VWA8: variants seen among roughly 807,000 people sequenced by gnomAD.
VWA8 encodes von Willebrand factor A domain containing 8, also known as von Willebrand factor A domain-containing protein 8.
VWA8 carries 221 observed loss-of-function variants against 241.5 expected under a neutral mutation model. The observed-to-expected ratio is 0.91, with a 90% confidence interval of 0.82 to 1.02. The LOEUF (loss-of-function observed/expected upper bound fraction) is 1.02. VWA8 is among the 50% of genes least tolerant of loss of function. The pLI is 0.00. For missense variants in VWA8, 2,322 were observed against 2,328.7 expected (o/e 1.00, Z 0.06); for synonymous variants, 852 against 827.1 (o/e 1.03, Z -0.52).
chr13:41,750,927 T>C (rs1262718850), intron 21 of VWA8, among the ~76,000 whole-genome samples: 1 of 151,754 alleles, frequency 6.6e-6, no homozygotes, highest in Non-Finnish European at 1.5e-5. Context: ...GTACAGTGGT[T>C]AGAACACAGG....
At chr13:41,584,670 T>TA (rs1362628169) in intron 42 of VWA8, among the ~76,000 whole-genome samples, 3 of 152,222 alleles carry the variant, frequency 2.0e-5, no homozygotes, top group African/African-American at 7.2e-5. Flanking sequence ...TTTAATGGCA[T>TA]AAAAAATGTC....
intron 21 of VWA8, among the ~76,000 whole-genome samples, chr13:41,748,559 C>G (rs2045628425): frequency 6.6e-6 from 1 of 152,050 alleles, no homozygotes; most frequent in Admixed American, 6.6e-5. Context: ...GCTCCTAGAT[C>G]CACTGATTTT....
chr13:41,951,095 T>C (rs761739095), intron 1 of VWA8, among the ~76,000 whole-genome samples: 2 of 152,068 alleles, frequency 1.3e-5, no homozygotes, highest in Non-Finnish European at 2.9e-5. Flanking sequence ...TCTAGGTGCA[T>C]AAAAGGAATA....
At chr13:41,621,683 C>G (rs1395737329) in intron 37 of VWA8, among the ~76,000 whole-genome samples, 1 of 152,166 alleles carries the variant, frequency 6.6e-6, no homozygotes, top group East Asian at 1.9e-4. Flanking sequence ...TGTAAGAGAA[C>G]AGTCTTTTAA....
rs200081794 is a variant in VWA8 at position 41,590,694 on chromosome 13, A to G, written c.5058T>C (p.Asp1686=). Residue 1686 remains aspartate, a synonymous_variant, in exon 41 of 45, where the codon GAT becomes GAC. Transcript: ENST00000379310. ...AGATGGCTTTTTCTCCAGTCAGCCC[A>G]TCAATGATCTTGGCATCATCTAATT... The part of the protein sequence containing the change: ...TGELDDAKII[D]GLTGEKAIYK... The G allele has an allele frequency of 1.1e-5, 17 of 1,614,020 alleles. No homozygotes were observed. The East Asian group carries it at 3.6e-4, about 34-fold the overall frequency.
chr13:41,911,146 T>C (rs1875977255), intron 3 of VWA8, among the ~76,000 whole-genome samples: 1 of 150,974 alleles, frequency 6.6e-6, no homozygotes, highest in Admixed American at 6.6e-5. Flanking sequence ...TCACTGCAAC[T>C]TCCACCTCCC....
At chr13:41,628,813 T>A (rs889178095) in intron 37 of VWA8, among the ~76,000 whole-genome samples, 1 of 151,906 alleles carries the variant, frequency 6.6e-6, no homozygotes, top group Non-Finnish European at 1.5e-5. Flanking sequence ...GAGGCCAAGG[T>A]GGGCAGATCA....
chr13:41,823,871 G>T (rs75756201), intron 14 of VWA8, among the ~76,000 whole-genome samples: 4 of 152,124 alleles, frequency 2.6e-5, no homozygotes, highest in Admixed American at 2.6e-4. Flanking sequence ...TTTAGAAACC[G>T]GGTTTCACAC....
At chr13:41,693,216 A>G (rs2045191829) in intron 29 of VWA8, among the ~76,000 whole-genome samples, 1 of 151,998 alleles carries the variant, frequency 6.6e-6, no homozygotes, top group Admixed American at 6.6e-5. Context: ...ACGTTTCTAA[A>G]TATGTGATGC....
chr13:41,639,291 T>TA (rs2044779649), intron 37 of VWA8, among the ~76,000 whole-genome samples: 1 of 152,148 alleles, frequency 6.6e-6, no homozygotes, highest in Non-Finnish European at 1.5e-5. Flanking sequence ...GTAAGGAGGC[T>TA]AAATCAGTGA....
At chr13:41,915,415 T>A (rs1046602771) in intron 2 of VWA8, among the ~76,000 whole-genome samples, 1 of 152,184 alleles carries the variant, frequency 6.6e-6, no homozygotes, top group Admixed American at 6.5e-5. Flanking sequence ...TGGGAGTACT[T>A]TGGGTTGTTG....
chr13:41,575,852 A>T lies in VWA8; in HGVS notation c.5272-14T>A. 1 of 1,585,780 alleles carries T rather than the reference A, an allele frequency of 6.3e-7. No homozygotes were observed. The highest frequency in any genetic ancestry group is 8.6e-7 in the Non-Finnish European group (1 of 1,162,068). On this transcript the variant is annotated splice_polypyrimidine_tract_variant and intron_variant, in intron 42 of 44. Transcript: ENST00000379310. ...AACGATGTCATACTACATGCAAGAG[A>T]ACCAGAAAGTTATAAACTTTTCTCC...
At chr13:41,717,277 C>T (rs1036478395) in intron 26 of VWA8, among the ~76,000 whole-genome samples, 7 of 151,410 alleles carry the variant, frequency 4.6e-5, no homozygotes, top group South Asian at 4.2e-4. Context: ...AGTGTACTTC[C>T]TTAATATTTT....
intron 12 of VWA8, among the ~76,000 whole-genome samples, chr13:41,862,087 A>G (rs146157362): frequency 6.6e-6 from 1 of 152,328 alleles, no homozygotes; most frequent in East Asian, 1.9e-4. Flanking sequence ...TGATACTGGT[A>G]CAAAAACAGA....
intron 8 of VWA8, 147 bp downstream of exon 8, chr13:41,885,773 C>G (rs1452214758): frequency 1.6e-6 from 1 of 623,280 alleles, no homozygotes; most frequent in Non-Finnish European, 2.7e-6. Flanking sequence ...GTACAGTTTA[C>G]TGCACTGCAC....
At chr13:41,597,161 G>A (rs985423467) in intron 40 of VWA8, among the ~76,000 whole-genome samples, 5 of 152,118 alleles carry the variant, frequency 3.3e-5, no homozygotes, top group African/African-American at 4.8e-5. Context: ...TGTAAATGAT[G>A]TTAGAGGGTA....
chr13:41,882,164 C>T (rs539266588), intron 9 of VWA8, among the ~76,000 whole-genome samples: 7 of 147,426 alleles, frequency 4.7e-5, no homozygotes, highest in East Asian at 2.1e-4. Flanking sequence ...ACATCCCAGA[C>T]GGGGCGGCAG....
intron 2 of VWA8, among the ~76,000 whole-genome samples, chr13:41,935,881 T>C (rs1282670364): frequency 6.6e-6 from 1 of 152,084 alleles, no homozygotes; most frequent in Non-Finnish European, 1.5e-5. Context: ...TTATTCTTTT[T>C]TAATAGCCAC....
chr13:41,773,339 T>C (rs958232025), intron 20 of VWA8, among the ~76,000 whole-genome samples: 1 of 152,192 alleles, frequency 6.6e-6, no homozygotes, highest in African/African-American at 2.4e-5. Context: ...AGCAGGTGCA[T>C]CAAATATGAA....
Sources: gnomAD v4.1 joint callset for allele counts (sites outside exome capture counted in the v4.1 genomes callset) on GRCh38, gnomAD v4.1.1 for gene constraint, MANE v1.5 for transcripts, NCBI Gene and HGNC (gene_info 2026-07-23, HGNC 2026-07-21) for gene names.